PCNX1: variants seen among roughly 807,000 people sequenced by gnomAD.
The protein encoded by PCNX1 is pecanex-like protein 1.
A neutral mutation model predicts 242.2 loss-of-function variants in PCNX1; 78 were observed. The observed-to-expected ratio is 0.32, with a 90% CI of 0.27 to 0.39. The LOEUF (loss-of-function observed/expected upper bound fraction) is 0.39, where lower values mean the gene tolerates loss of function less well. Among genes scored for constraint, PCNX1 ranks in the 10% least tolerant of loss-of-function variants. PCNX1 has a pLI of 1.00. For synonymous variants in PCNX1, 1,024 were observed against 1,032.9 expected (o/e 0.99, Z 0.17); for missense variants, 2,581 against 2,856.5 (o/e 0.90, Z 2.20).
intron 28 of PCNX1, among the ~76,000 whole-genome samples, chr14:71,086,186 A>T (rs923749026): frequency 2.6e-5 from 4 of 152,198 alleles, no homozygotes; most frequent in Non-Finnish European, 2.9e-5. Context: ...CAAATCTTCC[A>T]TGTCTCATTC....
chr14:71,065,011 T>C (rs754314265), intron 26 of PCNX1, among the ~76,000 whole-genome samples: 46 of 152,216 alleles, frequency 3.0e-4, no homozygotes, highest in Non-Finnish European at 8.8e-5. Context: ...CTTTATCCAG[T>C]CTATCATTGA....
intron 8 of PCNX1, among the ~76,000 whole-genome samples, chr14:71,007,035 TC>T (rs1344131798): frequency 6.6e-6 from 1 of 152,192 alleles, no homozygotes; most frequent in Non-Finnish European, 1.5e-5. Flanking sequence ...GTCATGTACT[TC>T]TGTTAAAATC....
At chr14:71,091,668 T>C (rs889467781) in intron 30 of PCNX1, among the ~76,000 whole-genome samples, 2 of 152,176 alleles carry the variant, frequency 1.3e-5, no homozygotes, top group Non-Finnish European at 2.9e-5. Flanking sequence ...AAATCTATTA[T>C]AAAAAGTTAA....
At chr14:71,023,108 A>C in intron 12 of PCNX1, 92 bp from the exon 13 acceptor site, 1 of 918,416 alleles carries the variant, frequency 1.1e-6, no homozygotes, top group Non-Finnish European at 1.8e-6. Flanking sequence ...TGGAATATTT[A>C]CTTAAAATCA....
chr14:70,958,898 CTTTTTTTTTTTTTT>C (rs56362741), intron 2 of PCNX1, among the ~76,000 whole-genome samples: 1 of 66,402 alleles, frequency 1.5e-5, no homozygotes, highest in Non-Finnish European at 2.5e-5. Context: ...TTTGGGGTTG[CTTTTTTTTTTTTTT>C]TTTTTTTTTT....
intron 26 of PCNX1, among the ~76,000 whole-genome samples, chr14:71,073,266 C>T (rs974047616): frequency 1.4e-4 from 22 of 152,318 alleles, no homozygotes; most frequent in African/African-American, 4.8e-4. Context: ...CCACTGCACT[C>T]CAGCCTGGGC....
intron 1 of PCNX1, among the ~76,000 whole-genome samples, chr14:70,919,388 C>A (rs1020721047): frequency 2.0e-5 from 3 of 152,092 alleles, no homozygotes; most frequent in African/African-American, 7.2e-5. Flanking sequence ...AAGCAACTGA[C>A]AAGCAGAAAT....
At position 71,108,901 on chromosome 14, in the gene PCNX1, T is replaced by A. The variant is rs2062695303; in HGVS notation, c.6599T>A (p.Ile2200Asn). 1.9e-6 allele frequency: 3 copies of A among 1,614,196 alleles called. No homozygotes were observed. Among genetic ancestry groups the A allele is most frequent in the Non-Finnish European group, 2.5e-6 (3 of 1,180,034 alleles). The change falls in exon 34 of 36, where the codon ATC (isoleucine) becomes AAC (asparagine). Residue 2200 changes from isoleucine to asparagine, a missense_variant. Ile to Asn is a moderately radical substitution (Grantham distance 149). Around this residue, in one of 9 missense-constraint regions of PCNX1, gnomAD observed 432 missense variants for 433.6 expected, o/e 1.00. Coordinates refer to ENST00000304743, the MANE Select transcript of PCNX1 (RefSeq NM_014982.3). ...TCCTCCAGCAGCTCCAGCCAAAGCA[T>A]CCCAGCCTGCAAACATCACACTCTC... ...LPSSSSSSQSIPACKHHTLVG... is the reference protein window; with the variant it reads ...LPSSSSSSQSNPACKHHTLVG...
intron 9 of PCNX1, among the ~76,000 whole-genome samples, chr14:71,010,499 T>C (rs1416839957): frequency 6.6e-6 from 1 of 152,118 alleles, no homozygotes; most frequent in Non-Finnish European, 1.5e-5. Flanking sequence ...ACGTTACCTT[T>C]AGCTTCTTTT....
At chr14:70,953,109 A>AT (rs1236332819) in intron 2 of PCNX1, among the ~76,000 whole-genome samples, 6 of 149,546 alleles carry the variant, frequency 4.0e-5, no homozygotes, top group Non-Finnish European at 8.8e-5. Flanking sequence ...CTTTACAAAA[A>AT]ATAAAAAATA....
intron 1 of PCNX1, among the ~76,000 whole-genome samples, chr14:70,939,950 A>AC (rs1452380006): frequency 6.6e-6 from 1 of 151,744 alleles, no homozygotes; most frequent in African/African-American, 2.4e-5. Flanking sequence ...TAGGATTGCA[A>AC]CCTTGTTTTT....
At chr14:71,066,343 G>A (rs966325540) in intron 26 of PCNX1, among the ~76,000 whole-genome samples, 1 of 152,162 alleles carries the variant, frequency 6.6e-6, no homozygotes, top group African/African-American at 2.4e-5. Context: ...CTTGTAAGTT[G>A]TATTCCTAGG....
chr14:70,998,087 A>ATACATG (rs1168123751), intron 8 of PCNX1, among the ~76,000 whole-genome samples: 1 of 152,130 alleles, frequency 6.6e-6, no homozygotes, highest in Admixed American at 6.5e-5. Flanking sequence ...GTTTGAGTGC[A>ATACATG]TATGTTTGTG....
intron 1 of PCNX1, among the ~76,000 whole-genome samples, chr14:70,925,721 T>C (rs1381713128): frequency 3.3e-5 from 5 of 152,162 alleles, no homozygotes; most frequent in African/African-American, 1.2e-4. Flanking sequence ...TATATACCCA[T>C]GCACCATATG....
intron 27 of PCNX1, 27 bp from the exon 28 acceptor site, chr14:71,076,162 C>CTTTTTTTTTTTTTTTTTTTTTTTT: frequency 8.6e-7 from 1 of 1,167,482 alleles, no homozygotes; most frequent in Non-Finnish European, 1.2e-6. Context: ...AATCTGAATT[C>CTTTTTTTTTTTTTTTTTTTTTTTT]TTTTTTTTTT....
chr14:70,981,653 G>T (rs575697033), intron 6 of PCNX1, among the ~76,000 whole-genome samples: 1 of 152,022 alleles, frequency 6.6e-6, no homozygotes, highest in Non-Finnish European at 1.5e-5. Flanking sequence ...CTCTTGTTTT[G>T]TACTTAATTT....
At chr14:70,981,018 T>C (rs541808733) in intron 6 of PCNX1, among the ~76,000 whole-genome samples, 16 of 152,146 alleles carry the variant, frequency 1.1e-4, no homozygotes, top group Non-Finnish European at 1.8e-4. Context: ...TAAAGTATGC[T>C]AAAATAGGAG....
At chr14:71,103,320 C>G (rs2062513702) in intron 31 of PCNX1, 75 bp from the exon 32 acceptor site, 2 of 1,459,190 alleles carry the variant, frequency 1.4e-6, no homozygotes, top group African/African-American at 2.8e-5. Context: ...TGTATTCCTC[C>G]CATTTCTGCT....
intron 6 of PCNX1, among the ~76,000 whole-genome samples, chr14:70,981,891 A>G (rs913569269): frequency 5.9e-5 from 9 of 152,200 alleles, no homozygotes; most frequent in African/African-American, 1.4e-4. Flanking sequence ...CCGAGTGGAG[A>G]GGTTTGTGTT....
Sources: gnomAD v4.1 joint callset for allele counts (sites outside exome capture counted in the v4.1 genomes callset) on GRCh38, gnomAD v4.1.1 for gene constraint, gnomAD v4.1.1 regional missense constraint, MANE v1.5 for transcripts, NCBI Gene and HGNC (gene_info 2026-07-23, HGNC 2026-07-21) for gene names.